Variants in AGBL1 observed in about 807,000 individuals in gnomAD.
AGBL1 encodes AGBL carboxypeptidase 1.
AGBL1 carries 130 observed loss-of-function variants against 118.9 expected under a neutral mutation model. That is an observed-to-expected ratio of 1.09 (90% CI 0.95 to 1.26). The LOEUF is 1.26. Ranked by LOEUF, AGBL1 falls within the 50% of genes most tolerant of loss-of-function variation. AGBL1 has a pLI of 0.00. For synonymous variants in AGBL1, 555 were observed against 478.9 expected (o/e 1.16, Z -2.08); for missense variants, 1,584 against 1,298.1 (o/e 1.22, Z -3.38).
chr15:86,666,910 G>A (rs80072798), intron 21 of AGBL1, among the ~76,000 whole-genome samples: 1,813 of 152,234 alleles, frequency 0.012, 26 homozygotes, highest in East Asian at 0.075. Context: ...TATGGGTCTT[G>A]GGGCCTGTGT....
At chr15:86,835,926 G>T (rs2079164535) in intron 22 of AGBL1, among the ~76,000 whole-genome samples, 1 of 152,116 alleles carries the variant, frequency 6.6e-6, no homozygotes, top group Non-Finnish European at 1.5e-5. Context: ...ATTCACACAG[G>T]TCTATGGGCC....
intron 22 of AGBL1, among the ~76,000 whole-genome samples, chr15:86,753,670 G>A (rs12900785): frequency 0.18 from 27,663 of 151,944 alleles, 3,159 homozygotes; most frequent in Non-Finnish European, 0.25. Context: ...AGTGCTGGGA[G>A]TACAGGCGTA....
chr15:86,505,368 A>G (rs2082963316), intron 18 of AGBL1, among the ~76,000 whole-genome samples: 1 of 151,390 alleles, frequency 6.6e-6, no homozygotes. Flanking sequence ...TTGTCTCTCT[A>G]TTGCTTCCCC....
intron 24 of AGBL1, among the ~76,000 whole-genome samples, chr15:87,007,843 A>G (rs772498060): frequency 6.6e-6 from 1 of 152,202 alleles, no homozygotes; most frequent in Admixed American, 6.5e-5. Flanking sequence ...TTGTTTCTAT[A>G]TTAAATAGCC....
At chr15:86,574,570 ATTTTTTTTT>A (rs776642678) in intron 21 of AGBL1, among the ~76,000 whole-genome samples, 4 of 83,792 alleles carry the variant, frequency 4.8e-5, no homozygotes, top group African/African-American at 1.8e-4. Flanking sequence ...AAAAGTTTTA[ATTTTTTTTT>A]TTTTTTTTTT....
intron 5 of AGBL1, among the ~76,000 whole-genome samples, chr15:86,166,083 C>T (rs961059370): frequency 6.6e-6 from 1 of 152,188 alleles, no homozygotes; most frequent in Admixed American, 6.5e-5. Flanking sequence ...TCATCTCCTT[C>T]ATCTTAAAAT....
In AGBL1 at chr15:86,873,099, G is replaced by A. The variant is rs561692395; in HGVS notation, c.3159-33988G>A. On this transcript the variant is annotated intron_variant, in intron 22 of 22. Transcript: ENST00000614907. ...CACAGGTGGGAACTGAAGAAAAAAAGCATTTTTCACTGGTGGTTTCTTTTC... is the reference window on the plus strand; with the variant it reads ...CACAGGTGGGAACTGAAGAAAAAAAACATTTTTCACTGGTGGTTTCTTTTC... Among the ~76,000 whole-genome samples the A allele has an allele frequency of 5.9e-4, 90 of 152,308 alleles. 1 individual carries two copies. The highest frequency in any genetic ancestry group is 2.1e-3 in the African/African-American group (87 of 41,582).
chr15:86,171,103 G>C (rs2077408008), intron 5 of AGBL1, among the ~76,000 whole-genome samples: 1 of 152,042 alleles, frequency 6.6e-6, no homozygotes. Context: ...AAAACTAAAA[G>C]ACATCATCAA....
At chr15:86,127,207 A>G (rs371379674) in intron 1 of AGBL1, among the ~76,000 whole-genome samples, 2 of 152,202 alleles carry the variant, frequency 1.3e-5, no homozygotes, top group East Asian at 1.9e-4. Flanking sequence ...TCAGAAGTAT[A>G]AGGGCTTTGT....
At chr15:86,851,065 T>C (rs1313607761) in intron 22 of AGBL1, among the ~76,000 whole-genome samples, 2 of 152,182 alleles carry the variant, frequency 1.3e-5, no homozygotes, top group Non-Finnish European at 1.5e-5. Flanking sequence ...ATAAGTTGCT[T>C]TAGACCTTCT....
intron 2 of AGBL1, 81 bp downstream of exon 2, chr15:86,142,148 C>T (rs1298317270): frequency 1.8e-5 from 26 of 1,408,168 alleles, no homozygotes; most frequent in Non-Finnish European, 2.2e-5. Flanking sequence ...ACCTCTGTGA[C>T]CTGGGGGTTT....
intron 3 of AGBL1, among the ~76,000 whole-genome samples, chr15:86,151,332 A>T (rs62012451): frequency 5.3e-5 from 8 of 150,420 alleles, no homozygotes; most frequent in Admixed American, 2.0e-4. Context: ...TATCCACCAC[A>T]ATCAAGTCAG....
chr15:86,527,709 C>T (rs573481977), intron 19 of AGBL1, among the ~76,000 whole-genome samples: 2 of 152,208 alleles, frequency 1.3e-5, no homozygotes, highest in South Asian at 2.1e-4. Context: ...GAAGATCCAC[C>T]GGTTCTAGAT....
At chr15:86,400,864 A>T (rs1468524334) in intron 18 of AGBL1, among the ~76,000 whole-genome samples, 1 of 152,078 alleles carries the variant, frequency 6.6e-6, no homozygotes, top group Non-Finnish European at 1.5e-5. Flanking sequence ...ATCCACTCAT[A>T]GGTTGATGGC....
chr15:86,544,197 C>G (rs1423917859), intron 19 of AGBL1, among the ~76,000 whole-genome samples: 7 of 152,156 alleles, frequency 4.6e-5, no homozygotes, highest in Non-Finnish European at 1.0e-4. Context: ...TTGGCTAGGA[C>G]TGGATGGTCT....
chr15:86,340,956 C>T (rs2080452583), intron 17 of AGBL1, among the ~76,000 whole-genome samples: 1 of 152,184 alleles, frequency 6.6e-6, no homozygotes, highest in South Asian at 2.1e-4. Context: ...CTCATTATTA[C>T]TGGTAGGTGG....
In AGBL1 at chr15:86,525,157, CA is replaced by C. The variant is rs34846889; in HGVS notation, c.2685+2228del. ...AACTCCGTTTTATTAACAATAGCTA[CA>C]AAAAAAAAATACCCAGGAATATATT... On this transcript the variant is annotated intron_variant, in intron 19 of 22. Coordinates refer to ENST00000614907, the MANE Select transcript of AGBL1 (RefSeq NM_001386094.1). Among the ~76,000 whole-genome samples, 661 of 144,698 alleles carry C rather than the reference CA, an allele frequency of 4.6e-3. 1 individual carries two copies. Among genetic ancestry groups the C allele is most frequent in the African/African-American group, 5.8e-3 (235 of 40,222 alleles). 94.9% of individuals were successfully genotyped at this position (144,698 alleles called of 152,430 possible).
intron 17 of AGBL1, among the ~76,000 whole-genome samples, chr15:86,378,762 A>G (rs999948681): frequency 3.9e-5 from 6 of 152,172 alleles, no homozygotes; most frequent in Non-Finnish European, 7.3e-5. Flanking sequence ...AAGTCAAGCC[A>G]CAAATTCAGT....
intron 5 of AGBL1, among the ~76,000 whole-genome samples, chr15:86,219,049 A>T (rs549863555): frequency 3.6e-4 from 55 of 152,346 alleles, no homozygotes; most frequent in African/African-American, 1.2e-3. Flanking sequence ...TGGCATTGCT[A>T]TATCTAGGCC....
Sources: allele counts gnomAD v4.1 joint callset (sites outside exome capture counted in the v4.1 genomes callset), GRCh38; gene constraint gnomAD v4.1.1; transcripts MANE v1.5; gene names NCBI Gene and HGNC (gene_info 2026-07-23, HGNC 2026-07-21).